MBOAT1: variants seen among roughly 807,000 people sequenced by gnomAD.
MBOAT1 encodes membrane bound glycerophospholipid O-acyltransferase 1, also known as membrane-bound glycerophospholipid O-acyltransferase 1.
MBOAT1 carries 67 observed loss-of-function variants against 64.4 expected under a neutral mutation model. The ratio of observed to expected loss-of-function variants is 1.04; its 90% CI spans 0.85 to 1.27. The LOEUF is 1.27. MBOAT1 is among the 50% of genes most tolerant of loss of function. MBOAT1 has a pLI of 0.00. For missense variants in MBOAT1, 563 were observed against 604.6 expected (o/e 0.93, Z 0.72); for synonymous variants, 229 against 218.9 (o/e 1.05, Z -0.41).
chr6:20,186,235 T>G (rs1762649442), intron 1 of MBOAT1, among the ~76,000 whole-genome samples: 1 of 152,206 alleles, frequency 6.6e-6, no homozygotes. Context: ...GTAAGAGGGC[T>G]GAATTTTGCT....
chr6:20,176,615 T>A (rs963090411), intron 1 of MBOAT1, among the ~76,000 whole-genome samples: 23 of 152,164 alleles, frequency 1.5e-4, no homozygotes, highest in Non-Finnish European at 2.8e-4. Context: ...GATTTTTACT[T>A]CAGAAATAGC....
chr6:20,103,822 GTTAAT>G, intron 12 of MBOAT1, among the ~76,000 whole-genome samples: 1 of 152,292 alleles, frequency 6.6e-6, no homozygotes. Flanking sequence ...GGAAGCTAAG[GTTAAT>G]TTATTATTGA....
intron 1 of MBOAT1, among the ~76,000 whole-genome samples, chr6:20,169,218 AT>A (rs1231173947): frequency 3.3e-5 from 5 of 152,214 alleles, no homozygotes; most frequent in Non-Finnish European, 7.3e-5. Flanking sequence ...AACCAGGGCT[AT>A]ATTTTCTTAT....
At chr6:20,111,141 G>A (rs1407626248) in intron 11 of MBOAT1, among the ~76,000 whole-genome samples, 6 of 152,276 alleles carry the variant, frequency 3.9e-5, no homozygotes, top group South Asian at 4.1e-4. Flanking sequence ...TTGCTAGGTC[G>A]AAGGATATAC....
chr6:20,178,931 G>T (rs1561777897), intron 1 of MBOAT1, among the ~76,000 whole-genome samples: 1 of 148,872 alleles, frequency 6.7e-6, no homozygotes, highest in Non-Finnish European at 1.5e-5. Flanking sequence ...GTTTTTAATG[G>T]GTTTTTTTTT....
intron 1 of MBOAT1, among the ~76,000 whole-genome samples, chr6:20,210,138 C>T (rs1230419457): frequency 6.6e-6 from 1 of 152,196 alleles, no homozygotes; most frequent in African/African-American, 2.4e-5. Flanking sequence ...TCGGGCATTT[C>T]ACATCATATA....
chr6:20,124,951 T>G lies in MBOAT1; in HGVS notation c.715-351A>C, dbSNP rs918763813. Among the ~76,000 whole-genome samples, 3 of 152,214 alleles carry G rather than the reference T, an allele frequency of 2.0e-5. No individual in the cohort carries two copies. The South Asian group carries it at 6.2e-4, about 32-fold the overall frequency. On this transcript the variant is annotated intron_variant, in intron 7 of 12. Transcript: ENST00000324607. ...TTCCATCAAGAAAAACAAAAAACAT[T>G]TGCACATTTGCCTTCTATTCCTGTG...
intron 7 of MBOAT1, chr6:20,125,874 T>C (rs1452986853): frequency 2.3e-6 from 1 of 439,786 alleles, no homozygotes; most frequent in East Asian, 7.1e-5. Flanking sequence ...TTTTCCAATT[T>C]TCACCACTCC....
rs545805373 is a variant in MBOAT1 at position 20,132,978 on chromosome 6, C to T, written c.420-1779G>A. On this transcript the variant is annotated intron_variant, in intron 4 of 12. Coordinates refer to ENST00000324607, the MANE Select transcript of MBOAT1 (RefSeq NM_001080480.3). ...TCTCATCCTAATTCCCATTTTCCAC[C>T]TCTTGAAAATAATGAGGATACATTT... is the stretch of plus-strand genomic sequence containing the variant. 1.6e-4 allele frequency among the ~76,000 whole-genome samples: 25 copies of T among 152,192 alleles called. 1 individual carries two copies. The highest frequency in any genetic ancestry group is 5.8e-4 in the African/African-American group (24 of 41,520).
At chr6:20,109,103 C>A (rs1261784852) in intron 12 of MBOAT1, among the ~76,000 whole-genome samples, 3 of 152,166 alleles carry the variant, frequency 2.0e-5, no homozygotes, top group African/African-American at 7.2e-5. Flanking sequence ...ACATATACCC[C>A]TCCAACACGT....
chr6:20,149,301 C>A (rs2113689218), intron 3 of MBOAT1, among the ~76,000 whole-genome samples: 1 of 152,108 alleles, frequency 6.6e-6, no homozygotes, highest in South Asian at 2.1e-4. Context: ...GAACCTAGGC[C>A]TGATATGAAA....
chr6:20,131,084 A>G (rs1760813523), intron 5 of MBOAT1, 60 bp downstream of exon 5: 4 of 1,437,428 alleles, frequency 2.8e-6, no homozygotes, highest in Non-Finnish European at 3.9e-6. Context: ...ATAGTATAAA[A>G]AGAAGAGCTC....
chr6:20,130,265 C>A (rs1760779308), intron 5 of MBOAT1, among the ~76,000 whole-genome samples: 1 of 152,188 alleles, frequency 6.6e-6, no homozygotes, highest in Non-Finnish European at 1.5e-5. Flanking sequence ...ATGTAAATCA[C>A]ACTTTCTGGC....
intron 1 of MBOAT1, among the ~76,000 whole-genome samples, chr6:20,160,521 A>G (rs1761820176): frequency 1.3e-5 from 2 of 152,222 alleles, no homozygotes; most frequent in African/African-American, 4.8e-5. Flanking sequence ...TTGGGAGAAA[A>G]TATTTGCAAA....
At chr6:20,140,477 G>C (rs1581417470) in intron 4 of MBOAT1, among the ~76,000 whole-genome samples, 1 of 152,196 alleles carries the variant, frequency 6.6e-6, no homozygotes, top group East Asian at 1.9e-4. Flanking sequence ...GAATAAGGAA[G>C]ATCCACCCTC....
chr6:20,204,668 A>G (rs1047215586), intron 1 of MBOAT1, among the ~76,000 whole-genome samples: 7 of 152,184 alleles, frequency 4.6e-5, no homozygotes, highest in Non-Finnish European at 8.8e-5. Flanking sequence ...TCCAAGGAGA[A>G]GGAAGTGTGT....
At chr6:20,170,901 TG>T (rs1466695850) in intron 1 of MBOAT1, among the ~76,000 whole-genome samples, 3 of 136,480 alleles carry the variant, frequency 2.2e-5, no homozygotes, top group African/African-American at 5.7e-5. Flanking sequence ...TCTGAATGAA[TG>T]AATGAATGAA....
intron 3 of MBOAT1, among the ~76,000 whole-genome samples, chr6:20,148,717 T>A (rs114642225): frequency 0.027 from 4,139 of 152,236 alleles, 75 homozygotes; most frequent in Middle Eastern, 0.061. Context: ...GAAACAACGT[T>A]GAGATTTTAA....
chr6:20,190,322 T>C (rs952827147), intron 1 of MBOAT1, among the ~76,000 whole-genome samples: 1 of 152,218 alleles, frequency 6.6e-6, no homozygotes, highest in African/African-American at 2.4e-5. Flanking sequence ...GAAAATACTA[T>C]GCTTGTTTAA....
Sources: allele counts gnomAD v4.1 joint callset (sites outside exome capture counted in the v4.1 genomes callset), GRCh38; gene constraint gnomAD v4.1.1; transcripts MANE v1.5; gene names NCBI Gene and HGNC (gene_info 2026-07-23, HGNC 2026-07-21).